Variants in MSL1 observed in about 807,000 individuals in gnomAD.
The protein encoded by MSL1 is male-specific lethal 1 homolog.
In MSL1, 21 loss-of-function variants were observed where a neutral mutation model predicts 64.6. The observed-to-expected ratio is 0.33, with a 90% CI of 0.23 to 0.47. MSL1 has a LOEUF of 0.47. MSL1 is among the 20% of genes least tolerant of loss of function. MSL1 has a pLI of 1.00. For synonymous variants in MSL1, 339 were observed against 329.6 expected, an observed-to-expected ratio of 1.03 and a Z score of -0.31; for missense variants, 664 against 793.2, an observed-to-expected ratio of 0.84 and a Z score of 1.96.
chr17:40,127,038 T>C (rs1412253546), intron 2 of MSL1, among the ~76,000 whole-genome samples: 4 of 152,064 alleles, frequency 2.6e-5, no homozygotes, highest in Non-Finnish European at 5.9e-5. Context: ...TTGGTAGACA[T>C]AGAAAAGTAA....
rs1332871123 is a variant in MSL1 at position 40,122,560 on chromosome 17, C to G, written c.-53C>G. On this transcript the variant is annotated 5_prime_UTR_variant, in exon 1 of 9. Coordinates refer to ENST00000398532, the MANE Select transcript of MSL1 (RefSeq NM_001365919.1). The surrounding 1 kb of genome is among the most constrained non-coding windows in gnomAD (Gnocchi z 4.2). ...TCAGTCCTCGACCCCCCGCACCTCG[C>G]CCCTTCCCCACCCCCTCCTCCGCCT... The G allele has an allele frequency of 7.8e-7, 1 of 1,277,034 alleles. No individual in the cohort carries two copies. The highest frequency in any genetic ancestry group is 1.0e-6 in the Non-Finnish European group (1 of 982,746). 79.1% of individuals were successfully genotyped at this position (1,277,034 alleles called of 1,614,324 possible).
In MSL1 at chr17:40,129,432, G is replaced by T. The variant is rs200087794; in HGVS notation, c.1180G>T (p.Val394Leu). Residue 394 changes from valine to leucine, a missense_variant, in exon 3 of 9, where the codon GTG becomes TTG. Physicochemically the swap from Val to Leu is conservative, Grantham distance 32 (BLOSUM62 1). Around this residue, in one of 4 missense-constraint regions of MSL1, gnomAD observed 119 missense variants for 164.3 expected, o/e 0.72. Coordinates refer to ENST00000398532, the MANE Select transcript of MSL1 (RefSeq NM_001365919.1). The part of the protein sequence containing the change: ...QETPEKPRSS[V>L]DTPPRLSTPQ... ...AACCCCAGAAAAGCCCCGGTCTTCA[G>T]TGGACACCCCACCAAGACTCTCCAC... 1.2e-6 allele frequency: 2 copies of T among 1,613,412 alleles called. No individual in the cohort carries two copies.
chr17:40,131,184 A>G lies in MSL1; in HGVS notation c.1376-353A>G. The G allele has an allele frequency of 4.9e-6, 1 of 204,346 alleles. No homozygotes were observed. Among genetic ancestry groups the G allele is most frequent in the Non-Finnish European group, 1.0e-5 (1 of 97,668 alleles). 12.7% of individuals were successfully genotyped at this position (204,346 alleles called of 1,614,324 possible). On this transcript the variant is annotated intron_variant, in intron 3 of 8. Transcript: ENST00000398532. This position sits in a 1 kb window ranked among gnomAD's most constrained non-coding sequence, Gnocchi z 4.5. Reference sequence around the variant, plus strand: ...GCTGTTTAAGAAGACTACATATGTAAGTTTTGAGAACACTGATCTTTTATT... The same window carrying G: ...GCTGTTTAAGAAGACTACATATGTAGGTTTTGAGAACACTGATCTTTTATT...
chr17:40,134,767 G>T lies in MSL1; in HGVS notation c.*398G>T. 5.6e-6 allele frequency: 1 copy of T among 177,218 alleles called. No homozygotes were observed. The allele number at this position is 177,218 out of a possible 1,614,324, so 11.0% of individuals were successfully genotyped here. A position where few individuals can be genotyped will look rare whatever the true frequency, so the allele number is the denominator to read the frequency against. Reference sequence around the variant, plus strand: ...GCCTGCATGGCACTCTTCTCACCCTGGTACACCCTCCTTATAGTGGGTATA... The same window carrying T: ...GCCTGCATGGCACTCTTCTCACCCTTGTACACCCTCCTTATAGTGGGTATA... On this transcript the variant is annotated 3_prime_UTR_variant, in exon 9 of 9. Transcript: ENST00000398532.
At chr17:40,124,210 C>T (rs1292864386) in intron 1 of MSL1, among the ~76,000 whole-genome samples, 1 of 152,072 alleles carries the variant, frequency 6.6e-6, no homozygotes, top group African/African-American at 2.4e-5. Context: ...CATATTCCTT[C>T]AGATATGAGG....
At position 40,126,336 on chromosome 17, in the gene MSL1, C is replaced by T. The variant is rs776042986; in HGVS notation, c.922C>T (p.Leu308Phe). The T allele has an allele frequency of 9.3e-6, 15 of 1,613,882 alleles. No homozygotes were observed. The South Asian group carries it at 1.5e-4, about 17-fold the overall frequency. The change falls in exon 2 of 9, where the codon CTT (leucine) becomes TTT (phenylalanine). Residue 308 changes from leucine to phenylalanine, a missense_variant. Around this residue, in one of 4 missense-constraint regions of MSL1, gnomAD observed 466 missense variants for 499.0 expected, o/e 0.93. Coordinates refer to ENST00000398532, the MANE Select transcript of MSL1 (RefSeq NM_001365919.1). Reference sequence around the variant, plus strand: ...AATTAAACTGGAGTGCCAGCCGGAGCTTTCCGAGACATCCCAGACTCTGCC... The same window carrying T: ...AATTAAACTGGAGTGCCAGCCGGAGTTTTCCGAGACATCCCAGACTCTGCC... ...EKIKLECQPE[L>F]SETSQTLPPK...
In MSL1 at chr17:40,122,905, G is replaced by C; in HGVS notation, c.293G>C (p.Gly98Ala). 6.7e-7 allele frequency: 1 copy of C among 1,488,214 alleles called. No homozygotes were observed. Among genetic ancestry groups the C allele is most frequent in the Non-Finnish European group, 8.9e-7 (1 of 1,126,846 alleles). 92.2% of individuals were successfully genotyped at this position (1,488,214 alleles called of 1,614,324 possible). ...GGGCAGCAGGAAGAGAGCTGGGGCG[G>C]TTCGGTGCCCTTGCCCTGTCCGCCC... ...APGQQEESWG[G>A]SVPLPCPPPA... The change falls in exon 1 of 9, where the codon GGT becomes GCT. Residue 98 changes from glycine to alanine, a missense_variant. Physicochemically the swap from Gly to Ala is moderately conservative, Grantham distance 60. Around this residue, in one of 4 missense-constraint regions of MSL1, gnomAD observed 466 missense variants for 499.0 expected, o/e 0.93. Transcript: ENST00000398532. The surrounding 1 kb of genome is among the most constrained non-coding windows in gnomAD (Gnocchi z 4.2).
Position 40,131,659 on chromosome 17 carries a change from T to C in MSL1, c.1423+75T>C, listed in dbSNP as rs1388834487. ...GGATGGTGGATGGTTGGGAGCTGCATTCCCCATCCACTGGATGTGGGAGAC... is the reference window on the plus strand; with the variant it reads ...GGATGGTGGATGGTTGGGAGCTGCACTCCCCATCCACTGGATGTGGGAGAC... On this transcript the variant is annotated intron_variant, in intron 4 of 8. Transcript: ENST00000398532. The surrounding 1 kb of genome is among the most constrained non-coding windows in gnomAD (Gnocchi z 4.5). 3.9e-6 allele frequency: 5 copies of C among 1,287,346 alleles called. No individual in the cohort carries two copies. The highest frequency in any genetic ancestry group is 5.7e-6 in the Non-Finnish European group (5 of 882,402). The allele number at this position is 1,287,346 out of a possible 1,614,324, so 79.7% of individuals were successfully genotyped here. A position where few individuals can be genotyped will look rare whatever the true frequency, so the allele number is the denominator to read the frequency against.
At position 40,122,616 on chromosome 17, in the gene MSL1, A is replaced by G; in HGVS notation, c.4A>G (p.Thr2Ala). Residue 2 changes from threonine (T) to alanine (A), a missense_variant, in exon 1 of 9, where the codon ACC becomes GCC. By Grantham distance (58) the Thr-to-Ala change is moderately conservative (BLOSUM62 0). Coordinates refer to ENST00000398532, the MANE Select transcript of MSL1 (RefSeq NM_001365919.1). This position sits in a 1 kb window ranked among gnomAD's most constrained non-coding sequence, Gnocchi z 4.2. M[T>A]MRSAVFKAAA... ...CCCGGCGCTGCTCCGGACCACTATGACCATGAGATCCGCGGTGTTCAAGGC... is the reference window on the plus strand; with the variant it reads ...CCCGGCGCTGCTCCGGACCACTATGGCCATGAGATCCGCGGTGTTCAAGGC... 1 of 1,473,348 alleles carries G rather than the reference A, an allele frequency of 6.8e-7. No homozygotes were observed. The highest frequency in any genetic ancestry group is 8.9e-7 in the Non-Finnish European group (1 of 1,119,256). 91.3% of individuals were successfully genotyped at this position (1,473,348 alleles called of 1,614,324 possible). A position where few individuals can be genotyped will look rare whatever the true frequency, so the allele number is the denominator to read the frequency against.
At chr17:40,132,883 T>G (rs1000004266) in intron 5 of MSL1, among the ~76,000 whole-genome samples, 159 bp from the exon 6 acceptor site, 1 of 152,216 alleles carries the variant, frequency 6.6e-6, no homozygotes, top group African/African-American at 2.4e-5. Flanking sequence ...TTGTTGATTC[T>G]GTTACCAGGA....
chr17:40,133,361 C>T (rs17616672), intron 6 of MSL1, 173 bp from the exon 7 acceptor site: 16,491 of 860,116 alleles, frequency 0.019, 190 homozygotes, highest in Non-Finnish European at 0.024. Context: ...ATGATCTAAA[C>T]GGTAGACCTA....
chr17:40,125,475 T>A (rs1988292410), intron 1 of MSL1, among the ~76,000 whole-genome samples: 1 of 152,044 alleles, frequency 6.6e-6, no homozygotes, highest in Non-Finnish European at 1.5e-5. Context: ...AGCTTTGGAG[T>A]AGAAGTAGAG....
At position 40,122,825 on chromosome 17, in the gene MSL1, G is replaced by C; in HGVS notation, c.213G>C (p.Pro71=). 1 of 1,368,176 alleles carries C rather than the reference G, an allele frequency of 7.3e-7. No individual in the cohort carries two copies. The highest frequency in any genetic ancestry group is 9.4e-7 in the Non-Finnish European group (1 of 1,069,248). 84.8% of individuals were successfully genotyped at this position (1,368,176 alleles called of 1,614,324 possible). The change falls in exon 1 of 9, where the codon CCG becomes CCC. Residue 71 remains proline, a synonymous_variant. Coordinates refer to ENST00000398532, the MANE Select transcript of MSL1 (RefSeq NM_001365919.1). The surrounding 1 kb of genome is among the most constrained non-coding windows in gnomAD (Gnocchi z 4.2). ...SSQGGSPAPS[P]AGCGGKGRGL... ...AGGGCGGGAGCCCCGCGCCTTCCCC[G>C]GCCGGCTGCGGCGGCAAGGGCCGGG...
intron 5 of MSL1, among the ~76,000 whole-genome samples, chr17:40,132,670 A>C (rs114954457): frequency 0.015 from 2,293 of 152,286 alleles, 78 homozygotes; most frequent in African/African-American, 0.052. Flanking sequence ...CCCCTCAACC[A>C]TAAAATTACA....
chr17:40,124,380 T>TCTCTCC (rs888612293), intron 1 of MSL1, among the ~76,000 whole-genome samples: 1 of 151,890 alleles, frequency 6.6e-6, no homozygotes, highest in Non-Finnish European at 1.5e-5. Context: ...TCTCTCTCTC[T>TCTCTCC]CTCTCCCTCC....
intron 5 of MSL1, 124 bp from the exon 6 acceptor site, chr17:40,132,918 C>T (rs1233048478): frequency 3.6e-6 from 3 of 839,082 alleles, no homozygotes; most frequent in Non-Finnish European, 5.7e-6. Flanking sequence ...CCATGGAACC[C>T]ACAGACTCAG....
At chr17:40,128,854 T>C (rs997231536) in intron 2 of MSL1, among the ~76,000 whole-genome samples, 4 of 151,508 alleles carry the variant, frequency 2.6e-5, no homozygotes, top group Admixed American at 6.6e-5. Context: ...TTATTAAAAA[T>C]ACAAAAAAAA....
intron 3 of MSL1, among the ~76,000 whole-genome samples, chr17:40,130,492 A>G (rs1431370784): frequency 1.3e-5 from 2 of 151,816 alleles, no homozygotes; most frequent in Non-Finnish European, 2.9e-5. Context: ...CACTGCGGTT[A>G]CTCTGGGGTA....
In MSL1 at chr17:40,134,945, C is replaced by T. The variant is rs1988512175; in HGVS notation, c.*576C>T. 1 of 152,414 alleles carries T rather than the reference C, an allele frequency of 6.6e-6. No individual in the cohort carries two copies. Among genetic ancestry groups the T allele is most frequent in the Non-Finnish European group, 1.5e-5 (1 of 68,104 alleles). The allele number at this position is 152,414 out of a possible 1,614,324, so 9.4% of individuals were successfully genotyped here. A position where few individuals can be genotyped will look rare whatever the true frequency, so the allele number is the denominator to read the frequency against. ...ATAACTGTCTGAAAAGATAGTTGTTCATTTGAAACTATTCTGTGATACAGT... is the reference window on the plus strand; with the variant it reads ...ATAACTGTCTGAAAAGATAGTTGTTTATTTGAAACTATTCTGTGATACAGT... On this transcript the variant is annotated 3_prime_UTR_variant, in exon 9 of 9. Coordinates refer to ENST00000398532, the MANE Select transcript of MSL1 (RefSeq NM_001365919.1).
Sources: allele counts gnomAD v4.1 joint callset (sites outside exome capture counted in the v4.1 genomes callset), GRCh38; gene constraint gnomAD v4.1.1; regional missense constraint gnomAD v4.1.1; non-coding constraint Gnocchi (gnomAD v3.1); transcripts MANE v1.5; gene names NCBI Gene and HGNC (gene_info 2026-07-23, HGNC 2026-07-21).